The following ZNF569 variants were observed in gnomAD, a reference collection of about 807,000 sequenced individuals.
ZNF569 encodes DNA-binding protein.
ZNF569 carries 38 observed loss-of-function variants against 56.3 expected under a neutral mutation model. The ratio of observed to expected loss-of-function variants is 0.68; its 90% CI spans 0.52 to 0.88. ZNF569 has a LOEUF of 0.88. Ranked by LOEUF, ZNF569 falls within the 40% of genes least tolerant of loss-of-function variation. The probability of loss-of-function intolerance (pLI) is 0.00; values close to 1 mark genes in which losing one functional copy is unlikely to be tolerated. For missense variants in ZNF569, 666 were observed against 809.2 expected (o/e 0.82, Z 2.15); for synonymous variants, 241 against 262.9 (o/e 0.92, Z 0.81).
In ZNF569 at chr19:37,413,880, G is replaced by A; in HGVS notation, c.778C>T (p.His260Tyr). Reference sequence around the variant, plus strand: ...TTCTCTCCAGTATGAATTCTTTGATGTCTAATGAGATTTGACATTTTAATG... The same window carrying A: ...TTCTCTCCAGTATGAATTCTTTGATATCTAATGAGATTTGACATTTTAATG... ...AFIKMSNLIR[H>Y]QRIHTGEKPY... Residue 260 changes from histidine to tyrosine, a missense_variant, in exon 6 of 6, where the codon CAT (histidine) becomes TAT (tyrosine). By Grantham distance (83) the His-to-Tyr change is moderately conservative. Transcript: ENST00000316950. 6.2e-7 allele frequency: 1 copy of A among 1,613,416 alleles called. No homozygotes were observed. The highest frequency in any genetic ancestry group is 8.5e-7 in the Non-Finnish European group (1 of 1,179,930).
chr19:37,446,768 A>C (rs1429276703), intron 2 of ZNF569, among the ~76,000 whole-genome samples: 1 of 152,132 alleles, frequency 6.6e-6, no homozygotes, highest in Non-Finnish European at 1.5e-5. Context: ...AACAGATGGG[A>C]CTTAATTGAA....
At chr19:37,424,237 C>G (rs761609050) in intron 5 of ZNF569, among the ~76,000 whole-genome samples, 3 of 152,088 alleles carry the variant, frequency 2.0e-5, no homozygotes, top group Non-Finnish European at 4.4e-5. Flanking sequence ...AAGTAAGGGA[C>G]TATAAATGTC....
chr19:37,466,832 A>G (rs2041848125), intron 1 of ZNF569: 1 of 152,260 alleles, frequency 6.6e-6, no homozygotes, highest in Non-Finnish European at 1.5e-5. Flanking sequence ...AAGCGCCTCC[A>G]CGAAATCCGC....
In ZNF569 at chr19:37,411,535, A is replaced by C. The variant is rs1210660167; in HGVS notation, c.*1062T>G. The C allele has an allele frequency of 6.6e-6, 1 of 152,164 alleles. No individual in the cohort carries two copies. Among genetic ancestry groups the C allele is most frequent in the African/African-American group, 2.4e-5 (1 of 41,466 alleles). 9.4% of individuals were successfully genotyped at this position (152,164 alleles called of 1,614,324 possible). On this transcript the variant is annotated 3_prime_UTR_variant, in exon 6 of 6. Coordinates refer to ENST00000316950, the MANE Select transcript of ZNF569 (RefSeq NM_152484.3). Reference sequence around the variant, plus strand: ...CAGTGATATATATCTCTTTGTGTACATTTGTGGGTGCCTGTGAGGCCAATA... The same window carrying C: ...CAGTGATATATATCTCTTTGTGTACCTTTGTGGGTGCCTGTGAGGCCAATA...
intron 2 of ZNF569, among the ~76,000 whole-genome samples, chr19:37,464,106 TA>T (rs1395772418): frequency 1.3e-5 from 2 of 152,098 alleles, no homozygotes; most frequent in African/African-American, 4.8e-5. Context: ...AACAGTAGAG[TA>T]CACTAACGTC....
At chr19:37,444,412 C>CA (rs1415243386) in intron 3 of ZNF569, among the ~76,000 whole-genome samples, 2 of 152,100 alleles carry the variant, frequency 1.3e-5, no homozygotes, top group African/African-American at 4.8e-5. Flanking sequence ...TAGTATTTCA[C>CA]CGTGTGAAAT....
At chr19:37,447,575 T>C (rs1484397899) in intron 2 of ZNF569, among the ~76,000 whole-genome samples, 1 of 152,214 alleles carries the variant, frequency 6.6e-6, no homozygotes, top group Non-Finnish European at 1.5e-5. Context: ...TTTCAATCTT[T>C]ATGTCTTTTA....
intron 2 of ZNF569, among the ~76,000 whole-genome samples, chr19:37,446,984 C>G (rs988555022): frequency 2.0e-5 from 3 of 152,052 alleles, no homozygotes; most frequent in East Asian, 1.9e-4. Flanking sequence ...TACAAATGGC[C>G]AACGAACGTA....
At chr19:37,460,879 T>C (rs1018842539) in intron 2 of ZNF569, among the ~76,000 whole-genome samples, 2 of 151,624 alleles carry the variant, frequency 1.3e-5, no homozygotes, top group East Asian at 1.9e-4. Flanking sequence ...TTCTGGGAGA[T>C]AGTCAAAGGT....
At chr19:37,419,961 TTTTC>T (rs1228615873) in intron 5 of ZNF569, among the ~76,000 whole-genome samples, 29 of 134,110 alleles carry the variant, frequency 2.2e-4, no homozygotes, top group Admixed American at 8.2e-5. Flanking sequence ...TTCTTTTTTC[TTTTC>T]TTTCTTTTTT....
At chr19:37,421,104 C>A (rs2041028028) in intron 5 of ZNF569, among the ~76,000 whole-genome samples, 1 of 152,188 alleles carries the variant, frequency 6.6e-6, no homozygotes, top group Non-Finnish European at 1.5e-5. Context: ...TTTAGCAAAT[C>A]AATGCTGTAA....
chr19:37,413,491 T>G lies in ZNF569; in HGVS notation c.1167A>C (p.Lys389Asn). The G allele has an allele frequency of 1.2e-6, 2 of 1,613,674 alleles. No homozygotes were observed. ...EKPYECNECG[K>N]AFSQSSALTV... ...TAAGGGCTGAGCTTTGAGAGAAGGC[T>G]TTTCCACACTCATTACATTCATAGG... The change falls in exon 6 of 6, where the codon AAA (lysine) becomes AAC (asparagine). Residue 389 changes from lysine (K) to asparagine (N), a missense_variant. Physicochemically the swap from Lys to Asn is moderately conservative, Grantham distance 94 (BLOSUM62 0). Transcript: ENST00000316950.
At chr19:37,463,767 A>T (rs909675256) in intron 2 of ZNF569, among the ~76,000 whole-genome samples, 1 of 152,276 alleles carries the variant, frequency 6.6e-6, no homozygotes, top group South Asian at 2.1e-4. Context: ...GTGGAACAAG[A>T]TGTGAAGGTG....
upstream of ZNF569, chr19:37,468,112 C>A: frequency 1.6e-6 from 1 of 638,878 alleles, no homozygotes. Flanking sequence ...TGAGGCAGAG[C>A]CTCACTTTGT....
upstream of ZNF569, chr19:37,469,233 C>T (rs2041909346): frequency 3.7e-6 from 5 of 1,362,586 alleles, no homozygotes; most frequent in South Asian, 1.6e-5. Context: ...CGGAGCTGCA[C>T]CGCTGCTGCC....
At chr19:37,434,750 T>C (rs961018700) in intron 3 of ZNF569, among the ~76,000 whole-genome samples, 51 of 152,328 alleles carry the variant, frequency 3.3e-4, no homozygotes, top group African/African-American at 1.2e-3. Flanking sequence ...CTGATCAATG[T>C]ACTTTGTAAT....
chr19:37,416,266 C>CAAAAAAAAAAAAAAAA (rs945755043), intron 5 of ZNF569, among the ~76,000 whole-genome samples: 4 of 111,664 alleles, frequency 3.6e-5, no homozygotes, highest in Non-Finnish European at 3.7e-5. Flanking sequence ...AACAAAAAAA[C>CAAAAAAAAAAAAAAAA]AAAAAAAAAA....
At chr19:37,441,247 G>A (rs1466380633) in intron 3 of ZNF569, among the ~76,000 whole-genome samples, 3 of 152,188 alleles carry the variant, frequency 2.0e-5, no homozygotes, top group Admixed American at 6.5e-5. Context: ...AAATGCAAGA[G>A]AAGCAGTGAG....
intron 5 of ZNF569, among the ~76,000 whole-genome samples, chr19:37,419,591 G>A (rs2040995001): frequency 6.6e-6 from 1 of 152,054 alleles, no homozygotes; most frequent in African/African-American, 2.4e-5. Context: ...GGGCGTGGTG[G>A]CAGGCGCCTG....
Sources: allele counts gnomAD v4.1 joint callset (sites outside exome capture counted in the v4.1 genomes callset), GRCh38; gene constraint gnomAD v4.1.1; transcripts MANE v1.5; gene names NCBI Gene and HGNC (gene_info 2026-07-23, HGNC 2026-07-21).